The following TECPR1 variants were observed in gnomAD, a reference collection of about 807,000 sequenced individuals.
TECPR1 encodes tectonin beta-propeller repeat containing 1.
TECPR1 carries 122 observed loss-of-function variants against 162.4 expected under a neutral mutation model. The observed-to-expected ratio is 0.75, with a 90% CI of 0.65 to 0.87. TECPR1 has a LOEUF of 0.87. Among genes scored for constraint, TECPR1 ranks in the 40% least tolerant of loss-of-function variants. The probability of loss-of-function intolerance (pLI) is 0.00; values close to 1 mark genes in which losing one functional copy is unlikely to be tolerated. For synonymous variants in TECPR1, 642 were observed against 670.6 expected, an observed-to-expected ratio of 0.96 and a Z score of 0.66; for missense variants, 1,432 against 1,618.2, an observed-to-expected ratio of 0.88 and a Z score of 1.97.
At chr7:98,221,312 A>G (rs1023334732) in intron 23 of TECPR1, among the ~76,000 whole-genome samples, 1 of 152,136 alleles carries the variant, frequency 6.6e-6, no homozygotes, top group Non-Finnish European at 1.5e-5. Flanking sequence ...CAAAGAAAAA[A>G]TAATAACAAT....
In TECPR1 at chr7:98,233,479, C is replaced by G. The variant is rs767339273; in HGVS notation, c.1614G>C (p.Ser538=). 58 of 1,487,860 alleles carry G rather than the reference C, an allele frequency of 3.9e-5. No individual in the cohort carries two copies. The highest frequency in any genetic ancestry group is 4.6e-5 in the Non-Finnish European group (52 of 1,121,356). 92.2% of individuals were successfully genotyped at this position (1,487,860 alleles called of 1,614,324 possible). Reference sequence around the variant, plus strand: ...ATGCCTCCACCACGCAGCCGCCTCCCGACACCCAGGCCCACAGCGGGTGGT... The same window carrying G: ...ATGCCTCCACCACGCAGCCGCCTCCGGACACCCAGGCCCACAGCGGGTGGT... ...VDDHPLWAWV[S]GGGCVVEACA... Residue 538 remains serine (S), a synonymous_variant, in exon 11 of 26, where the codon TCG becomes TCC. Transcript: ENST00000447648.
rs578091388 is a variant in TECPR1 at position 98,223,784 on chromosome 7, G to A, written c.2691-66C>T. On this transcript the variant is annotated intron_variant, in intron 19 of 25. Transcript: ENST00000447648. Reference sequence around the variant, plus strand: ...AAGTTTCTGGAAAGGGACCGTGCATGTAAACATTCTTGTTCTACCCGTTAC... The same window carrying A: ...AAGTTTCTGGAAAGGGACCGTGCATATAAACATTCTTGTTCTACCCGTTAC... 82 of 1,553,868 alleles carry A rather than the reference G, an allele frequency of 5.3e-5. 1 individual carries two copies. The South Asian group carries it at 8.8e-4, about 17-fold the overall frequency.
At position 98,227,507 on chromosome 7, in the gene TECPR1, T is replaced by C. The variant is rs186445368; in HGVS notation, c.2513+507A>G. Reference sequence around the variant, plus strand: ...AGGAATTACATACATTTCTTGGAGGTAGAAACTTTGTCAATACAGTTAGAG... The same window carrying C: ...AGGAATTACATACATTTCTTGGAGGCAGAAACTTTGTCAATACAGTTAGAG... On this transcript the variant is annotated intron_variant, in intron 17 of 25. Coordinates refer to ENST00000447648, the MANE Select transcript of TECPR1 (RefSeq NM_015395.3). 5.9e-5 allele frequency among the ~76,000 whole-genome samples: 9 copies of C among 151,452 alleles called. No individual in the cohort carries two copies. In the East Asian group the frequency reaches 1.4e-3, roughly 23 times the overall value.
chr7:98,224,773 C>A lies in TECPR1; in HGVS notation c.2690+28G>T, dbSNP rs145388001. On this transcript the variant is annotated intron_variant, in intron 19 of 25. Coordinates refer to ENST00000447648, the MANE Select transcript of TECPR1 (RefSeq NM_015395.3). ...GGGCCCTGACATTCAGGACCCAGCC[C>A]GAAGGCCCTGTGCAGGGAGAGGCTT... The A allele has an allele frequency of 4.2e-5, 65 of 1,559,126 alleles. No individual in the cohort carries two copies. In the Middle Eastern group the frequency reaches 1.0e-3, roughly 24 times the overall value.
chr7:98,236,663 G>T, intron 10 of TECPR1, 113 bp downstream of exon 10: 1 of 1,389,178 alleles, frequency 7.2e-7, no homozygotes, highest in Non-Finnish European at 9.7e-7. Flanking sequence ...CTCCTGCCTG[G>T]GACAAGTCCT....
intron 6 of TECPR1, among the ~76,000 whole-genome samples, chr7:98,243,182 CA>C (rs1798814182): frequency 2.0e-5 from 3 of 150,548 alleles, no homozygotes; most frequent in Admixed American, 1.3e-4. Context: ...TCCAGTGGCA[CA>C]CCTTCTGTCA....
chr7:98,234,438 G>C (rs1053700089), intron 10 of TECPR1, among the ~76,000 whole-genome samples: 4 of 152,214 alleles, frequency 2.6e-5, no homozygotes, highest in Non-Finnish European at 5.9e-5. Context: ...ACAGGCGTGA[G>C]CCACCGCGCC....
At chr7:98,220,949 C>T (rs940030394) in intron 23 of TECPR1, among the ~76,000 whole-genome samples, 5 of 151,260 alleles carry the variant, frequency 3.3e-5, no homozygotes, top group Non-Finnish European at 5.9e-5. Context: ...CCTCAGCCTC[C>T]CAAAGTGCTG....
chr7:98,220,688 A>T (rs1798119558), intron 23 of TECPR1, among the ~76,000 whole-genome samples: 1 of 151,802 alleles, frequency 6.6e-6, no homozygotes, highest in Non-Finnish European at 1.5e-5. Context: ...CCTCCCGATT[A>T]GCTTGGACTA....
At chr7:98,233,186 C>T (rs1040095860) in intron 11 of TECPR1, 2 of 782,788 alleles carry the variant, frequency 2.6e-6, no homozygotes, top group Non-Finnish European at 3.8e-6. Flanking sequence ...AGGGGAGGGG[C>T]TGCAGACAGG....
chr7:98,243,372 C>G, intron 6 of TECPR1, 95 bp downstream of exon 6: 1 of 1,516,552 alleles, frequency 6.6e-7, no homozygotes, highest in Non-Finnish European at 8.9e-7. Flanking sequence ...GGGGCCGGGG[C>G]TCCGGGGAGG....
At chr7:98,237,218 C>T in intron 9 of TECPR1, among the ~76,000 whole-genome samples, 1 of 152,074 alleles carries the variant, frequency 6.6e-6, no homozygotes, top group East Asian at 1.9e-4. Context: ...GGTTCACCTG[C>T]CTCCCTGTCT....
intron 12 of TECPR1, 31 bp from the exon 13 acceptor site, chr7:98,231,990 C>T: frequency 3.2e-6 from 5 of 1,572,604 alleles, no homozygotes; most frequent in Non-Finnish European, 2.6e-6. Context: ...GACACCATCA[C>T]AGGCAGGCCC....
At chr7:98,223,796 G>T (rs545613936) in intron 19 of TECPR1, 78 bp from the exon 20 acceptor site, 1 of 1,497,468 alleles carries the variant, frequency 6.7e-7, no homozygotes, top group South Asian at 1.1e-5. Flanking sequence ...AAACATTCTT[G>T]TTCTACCCGT....
At position 98,241,380 on chromosome 7, in the gene TECPR1, C is replaced by CA; in HGVS notation, c.658-137dup. 2 of 1,002,668 alleles carry CA rather than the reference C, an allele frequency of 2.0e-6. No individual in the cohort carries two copies. Among genetic ancestry groups the CA allele is most frequent in the Non-Finnish European group, 2.9e-6 (2 of 686,298 alleles). 62.1% of individuals were successfully genotyped at this position (1,002,668 alleles called of 1,614,324 possible). ...CTCACTCCCTGCCCCCTACCCCGGC[C>CA]AAAAAACGCAAACCCTGGATTCCGG... On this transcript the variant is annotated intron_variant, in intron 6 of 25. Transcript: ENST00000447648. The surrounding 1 kb of genome is among the most constrained non-coding windows in gnomAD (Gnocchi z 5.0).
At position 98,232,106 on chromosome 7, in the gene TECPR1, C is replaced by T; in HGVS notation, c.1819-147G>A. 1.3e-6 allele frequency: 1 copy of T among 796,176 alleles called. No individual in the cohort carries two copies. The highest frequency in any genetic ancestry group is 2.0e-6 in the Non-Finnish European group (1 of 502,622). The allele number at this position is 796,176 out of a possible 1,614,324, so 49.3% of individuals were successfully genotyped here. On this transcript the variant is annotated intron_variant, in intron 12 of 25. Coordinates refer to ENST00000447648, the MANE Select transcript of TECPR1 (RefSeq NM_015395.3). This position sits in a 1 kb window ranked among gnomAD's most constrained non-coding sequence, Gnocchi z 4.6. ...GGCTGTCAGCCCAGCTCCCCCTATG[C>T]TAATGATAACAGTGACGCTGCCGGA...
At chr7:98,240,804 T>G (rs1340267262) in intron 8 of TECPR1, 47 bp downstream of exon 8, 18 of 1,496,130 alleles carry the variant, frequency 1.2e-5, no homozygotes, top group Non-Finnish European at 1.5e-5. Flanking sequence ...CACTGCAGTC[T>G]CCAACTCCTG....
chr7:98,226,359 T>C (rs1250116132), intron 17 of TECPR1: 1 of 760,476 alleles, frequency 1.3e-6, no homozygotes, highest in Non-Finnish European at 1.6e-6. Context: ...ATCCTTTAAA[T>C]GGTTCCATAG....
rs1275378809 is a variant in TECPR1 at position 98,223,124 on chromosome 7, TG to T, written c.2793del (p.Ile932SerfsTer105). 1.2e-6 allele frequency: 2 copies of T among 1,604,994 alleles called. No individual in the cohort carries two copies. The highest frequency in any genetic ancestry group is 1.1e-5 in the South Asian group (1 of 89,492). ...VTSGPWLEVPPIALRDVSIIP... is the reference protein window; with the variant it reads ...VTSGPWLEVPXIALRDVSIIP... ...ATGATGGACACGTCCCTGAGGGCGA[TG>T]GGGGGCACCTCCAGCCAGGGCCCAC... On this transcript the variant is annotated frameshift_variant, in exon 21 of 26. Coordinates refer to ENST00000447648, the MANE Select transcript of TECPR1 (RefSeq NM_015395.3). LOFTEE classifies it high-confidence loss of function.
Sources: allele counts gnomAD v4.1 joint callset (sites outside exome capture counted in the v4.1 genomes callset), GRCh38; gene constraint gnomAD v4.1.1; non-coding constraint Gnocchi (gnomAD v3.1); transcripts MANE v1.5; gene names NCBI Gene and HGNC (gene_info 2026-07-23, HGNC 2026-07-21).